AVEN: variants seen among roughly 807,000 people sequenced by gnomAD.
AVEN encodes cell death regulator Aven.
In AVEN, 41 loss-of-function variants were observed where a neutral mutation model predicts 38.1. The ratio of observed to expected loss-of-function variants is 1.08; its 90% CI spans 0.84 to 1.40. The LOEUF (loss-of-function observed/expected upper bound fraction) is 1.40, where lower values mean the gene tolerates loss of function less well. AVEN is among the 40% of genes most tolerant of loss of function. The probability of loss-of-function intolerance (pLI) is 0.00; values close to 1 mark genes in which losing one functional copy is unlikely to be tolerated. For synonymous variants in AVEN, 206 were observed against 171.8 expected, an observed-to-expected ratio of 1.20 and a Z score of -1.56; for missense variants, 605 against 438.8, an observed-to-expected ratio of 1.38 and a Z score of -3.38.
intron 2 of AVEN, among the ~76,000 whole-genome samples, chr15:33,953,923 G>T (rs1018414248): frequency 3.3e-5 from 5 of 152,076 alleles, no homozygotes; most frequent in African/African-American, 1.2e-4. Context: ...AATCTACAAA[G>T]AACTTAAACT....
chr15:33,860,905 C>T (rs1020266214), intron 11 of AVEN, among the ~76,000 whole-genome samples: 1 of 120,726 alleles, frequency 8.3e-6, no homozygotes, highest in African/African-American at 3.6e-5. Context: ...GTGTATGGCA[C>T]TACTGAGTGA....
At chr15:33,947,456 T>C (rs1164902689) in intron 2 of AVEN, among the ~76,000 whole-genome samples, 1 of 152,174 alleles carries the variant, frequency 6.6e-6, no homozygotes, top group Non-Finnish European at 1.5e-5. Context: ...GTAGATGCGT[T>C]TGGGGACCAC....
chr15:33,873,528 T>C (rs1464702062), intron 3 of AVEN, among the ~76,000 whole-genome samples: 1 of 148,128 alleles, frequency 6.8e-6, no homozygotes, highest in Non-Finnish European at 1.5e-5. Context: ...ACATATAATA[T>C]ATATTATATA....
At chr15:34,013,427 T>C (rs752912086) in intron 1 of AVEN, among the ~76,000 whole-genome samples, 16 of 152,226 alleles carry the variant, frequency 1.1e-4, no homozygotes, top group Non-Finnish European at 2.1e-4. Context: ...GATAAACTTA[T>C]TTCTTTAAGT....
At chr15:33,875,596 A>G (rs1441893128) in intron 3 of AVEN, among the ~76,000 whole-genome samples, 1 of 152,214 alleles carries the variant, frequency 6.6e-6, no homozygotes, top group Non-Finnish European at 1.5e-5. Flanking sequence ...TTCAACTCTC[A>G]AGGGAATTGT....
At chr15:33,986,907 T>TCGGC (rs888295381) in intron 2 of AVEN, among the ~76,000 whole-genome samples, 5 of 152,166 alleles carry the variant, frequency 3.3e-5, no homozygotes, top group Non-Finnish European at 7.3e-5. Flanking sequence ...TCCGCCCACC[T>TCGGC]CGGCCTCCCA....
chr15:33,883,961 C>A (rs578192277), intron 2 of AVEN, among the ~76,000 whole-genome samples: 15 of 152,162 alleles, frequency 9.9e-5, no homozygotes, highest in Non-Finnish European at 1.5e-4. Flanking sequence ...CTAACCAAGA[C>A]CACACAGCCA....
intron 1 of AVEN, among the ~76,000 whole-genome samples, chr15:34,022,981 T>C (rs1009757091): frequency 3.3e-5 from 5 of 151,666 alleles, no homozygotes; most frequent in Admixed American, 6.6e-5. Context: ...AGGTCAGGAG[T>C]TCAAGACTAG....
In AVEN at chr15:34,063,717, G is replaced by A; in HGVS notation, n.1127-285C>T. The A allele has an allele frequency of 2.5e-6, 4 of 1,614,226 alleles. No homozygotes were observed. Among genetic ancestry groups the A allele is most frequent in the South Asian group, 1.1e-5 (1 of 91,082 alleles). ...CAAGAGTCAGGGTAAGGAAAGCCCA[G>A]GGGAAGAATTCAGTGCTGAAGAGAC... On this transcript the variant is annotated intron_variant and non_coding_transcript_variant, in intron 4 of 11. Coordinates refer to the AVEN transcript ENST00000675287. The surrounding 1 kb of genome is among the most constrained non-coding windows in gnomAD (Gnocchi z 4.1).
chr15:33,934,550 A>G (rs1015367556), intron 2 of AVEN, among the ~76,000 whole-genome samples: 3 of 152,202 alleles, frequency 2.0e-5, no homozygotes, highest in Non-Finnish European at 4.4e-5. Flanking sequence ...CCACACAAAC[A>G]TAAGGGCTAG....
intron 2 of AVEN, among the ~76,000 whole-genome samples, chr15:33,892,061 A>G (rs989121624): frequency 6.6e-6 from 1 of 152,046 alleles, no homozygotes; most frequent in Non-Finnish European, 1.5e-5. Context: ...TCCTTTGCCC[A>G]CTTTTTGATG....
At chr15:33,865,940 A>AGAAGAAAAGTACTGTACT, downstream of AVEN, 1 of 152,846 alleles carries the variant, frequency 6.5e-6, no homozygotes, top group South Asian at 2.1e-4. Context: ...TGCTGTTATT[A>AGAAGAAAAGTACTGTACT]GAAGAAAAGT....
chr15:33,876,311 C>G (rs898086491), intron 2 of AVEN, among the ~76,000 whole-genome samples: 3 of 152,232 alleles, frequency 2.0e-5, no homozygotes. Flanking sequence ...CTGGCTCACA[C>G]CTGTAATCCC....
rs1567483210 is a variant in AVEN, at chr15:34,038,872, AGCCCCG to A, written c.169_174del (p.Arg57_Gly58del). Reference sequence around the variant, plus strand: ...CCTCGGCCTCCGCGAGCGCCGCGGAAGCCCCGGCCACGGCCACGGCCCCGGCGTCCG... The same window carrying A: ...CCTCGGCCTCCGCGAGCGCCGCGGAAGCCACGGCCACGGCCCCGGCGTCCG... On this transcript the variant is annotated inframe_deletion, in exon 1 of 6. Coordinates refer to ENST00000306730, the MANE Select transcript of AVEN (RefSeq NM_020371.3). 15 of 1,146,496 alleles carry A rather than the reference AGCCCCG, an allele frequency of 1.3e-5. No homozygotes were observed. The highest frequency in any genetic ancestry group is 8.2e-5 in the South Asian group (2 of 24,368). 71.0% of individuals were successfully genotyped at this position (1,146,496 alleles called of 1,614,324 possible). A position where few individuals can be genotyped will look rare whatever the true frequency, so the allele number is the denominator to read the frequency against.
chr15:33,865,306 T>C, downstream of AVEN: 1 of 929,900 alleles, frequency 1.1e-6, no homozygotes, highest in Non-Finnish European at 1.7e-6. Context: ...TTCTGCAACA[T>C]ATCTGAAATG....
At chr15:33,939,279 T>C (rs1344938744) in intron 2 of AVEN, among the ~76,000 whole-genome samples, 1 of 152,228 alleles carries the variant, frequency 6.6e-6, no homozygotes, top group African/African-American at 2.4e-5. Flanking sequence ...TGTTCAATAG[T>C]ATTTAAACCA....
At chr15:33,883,868 A>G (rs1000060906) in intron 2 of AVEN, 2 of 152,210 alleles carry the variant, frequency 1.3e-5, no homozygotes, top group Non-Finnish European at 2.9e-5. Flanking sequence ...AGAGACTTCA[A>G]AAGTTGGAAC....
intron 2 of AVEN, among the ~76,000 whole-genome samples, chr15:33,912,511 G>C (rs1014558209): frequency 6.6e-6 from 1 of 152,100 alleles, no homozygotes; most frequent in Non-Finnish European, 1.5e-5. Flanking sequence ...ACAATTCTTG[G>C]TCAAAGGGCA....
At chr15:34,014,381 AAAAC>A (rs1367082558) in intron 1 of AVEN, among the ~76,000 whole-genome samples, 5 of 116,990 alleles carry the variant, frequency 4.3e-5, no homozygotes, top group Admixed American at 2.1e-4. Flanking sequence ...AAAAAAAAAA[AAAAC>A]AAAAACAAAA....
Sources: allele counts gnomAD v4.1 joint callset (sites outside exome capture counted in the v4.1 genomes callset), GRCh38; gene constraint gnomAD v4.1.1; non-coding constraint Gnocchi (gnomAD v3.1); transcripts MANE v1.5; gene names NCBI Gene and HGNC (gene_info 2026-07-23, HGNC 2026-07-21).